CSMD1: variants seen among roughly 807,000 people sequenced by gnomAD.
CSMD1 encodes CUB and Sushi multiple domains 1, also known as CUB and sushi domain-containing protein 1.
A neutral mutation model predicts 417.5 loss-of-function variants in CSMD1; 213 were observed. That is an observed-to-expected ratio of 0.51 (90% CI 0.46 to 0.57). CSMD1 has a LOEUF of 0.57. Ranked by LOEUF, CSMD1 falls within the 20% of genes least tolerant of loss-of-function variation. The probability of loss-of-function intolerance (pLI) is 0.00; values close to 1 mark genes in which losing one functional copy is unlikely to be tolerated. For synonymous variants in CSMD1, 2,862 were observed against 1,736.8 expected (o/e 1.65, Z -16.11); for missense variants, 6,923 against 4,529.7 (o/e 1.53, Z -15.17).
At chr8:3,080,523 T>C (rs188538365) in intron 49 of CSMD1, among the ~76,000 whole-genome samples, 409 of 152,248 alleles carry the variant, frequency 2.7e-3, no homozygotes, top group South Asian at 0.012. Flanking sequence ...TCACAGACAA[T>C]TGGTAGCGAA....
intron 1 of CSMD1, among the ~76,000 whole-genome samples, chr8:4,728,021 AT>A (rs1158748662): frequency 2.7e-5 from 4 of 145,716 alleles, no homozygotes; most frequent in African/African-American, 7.5e-5. Flanking sequence ...ATATATATAT[AT>A]TTTTTCTATT....
intron 40 of CSMD1, chr8:3,151,196 G>C (rs1318010284): frequency 4.0e-6 from 2 of 498,172 alleles, no homozygotes; most frequent in African/African-American, 1.9e-5. Flanking sequence ...GCCTTGAAAA[G>C]AGTTGCATGG....
chr8:4,437,329 T>A (rs1798205331), intron 2 of CSMD1, among the ~76,000 whole-genome samples: 1 of 151,618 alleles, frequency 6.6e-6, no homozygotes, highest in Non-Finnish European at 1.5e-5. Context: ...ATAAGCTTGT[T>A]TTAAAAAGAA....
intron 3 of CSMD1, among the ~76,000 whole-genome samples, chr8:4,183,159 G>T (rs57926910): frequency 0.024 from 3,639 of 152,130 alleles, 155 homozygotes; most frequent in African/African-American, 0.083. Context: ...TAATTAATGC[G>T]TAAGTGCAGT....
chr8:4,293,480 T>C (rs1245955166), intron 3 of CSMD1, among the ~76,000 whole-genome samples: 1 of 152,232 alleles, frequency 6.6e-6, no homozygotes, highest in Non-Finnish European at 1.5e-5. Context: ...TTTATATATC[T>C]AGCTCAGTAT....
chr8:3,978,026 C>A (rs1198755235), intron 5 of CSMD1, among the ~76,000 whole-genome samples: 1 of 152,164 alleles, frequency 6.6e-6, no homozygotes, highest in Non-Finnish European at 1.5e-5. Flanking sequence ...TGGACACTTG[C>A]TTGTCCATCT....
chr8:3,813,880 G>C (rs763897079), intron 5 of CSMD1, among the ~76,000 whole-genome samples: 1 of 152,158 alleles, frequency 6.6e-6, no homozygotes, highest in African/African-American at 2.4e-5. Flanking sequence ...AGAAGAGAAA[G>C]TGATCGCTTT....
chr8:3,722,143 G>C (rs1260072694), intron 6 of CSMD1, among the ~76,000 whole-genome samples: 1 of 152,044 alleles, frequency 6.6e-6, no homozygotes, highest in African/African-American at 2.4e-5. Context: ...AGGAATTTGA[G>C]ACTAAGAATG....
intron 2 of CSMD1, among the ~76,000 whole-genome samples, chr8:4,567,797 GA>G (rs985426705): frequency 1.3e-5 from 2 of 150,506 alleles, no homozygotes; most frequent in Non-Finnish European, 3.0e-5. Context: ...TACCAGAAAG[GA>G]AAAAAAAAGT....
chr8:4,820,296 CAGTT>C (rs1469068551), intron 1 of CSMD1, among the ~76,000 whole-genome samples: 2 of 152,186 alleles, frequency 1.3e-5, no homozygotes, highest in African/African-American at 4.8e-5. Flanking sequence ...GGGCTGGGCA[CAGTT>C]AGTGCGCCAT....
At chr8:4,308,962 A>G (rs1225561721) in intron 3 of CSMD1, among the ~76,000 whole-genome samples, 3 of 152,182 alleles carry the variant, frequency 2.0e-5, no homozygotes, top group Non-Finnish European at 4.4e-5. Context: ...ACTCCCTGTA[A>G]CCTTCTGACA....
At chr8:3,884,207 G>A (rs1417345179) in intron 5 of CSMD1, among the ~76,000 whole-genome samples, 1 of 152,178 alleles carries the variant, frequency 6.6e-6, no homozygotes, top group Non-Finnish European at 1.5e-5. Flanking sequence ...AGGTAAGTTT[G>A]TTTAATAAGC....
chr8:4,753,658 C>T (rs981994538), intron 1 of CSMD1, among the ~76,000 whole-genome samples: 2 of 152,130 alleles, frequency 1.3e-5, no homozygotes, highest in Non-Finnish European at 2.9e-5. Context: ...TTTGATGCTG[C>T]CTTCTTCTCA....
At chr8:3,146,237 C>G (rs191132726) in intron 40 of CSMD1, among the ~76,000 whole-genome samples, 55 of 152,216 alleles carry the variant, frequency 3.6e-4, no homozygotes, top group African/African-American at 1.3e-3. Context: ...TTTCTGTTAA[C>G]TGTGCCCTTA....
intron 1 of CSMD1, among the ~76,000 whole-genome samples, chr8:4,779,357 T>C (rs1585085398): frequency 1.3e-5 from 2 of 152,180 alleles, no homozygotes; most frequent in African/African-American, 2.4e-5. Context: ...GCTCAAAGGA[T>C]AATTTTTTAC....
chr8:4,976,621 G>C (rs534237908), intron 1 of CSMD1, among the ~76,000 whole-genome samples: 39 of 152,240 alleles, frequency 2.6e-4, no homozygotes, highest in Admixed American at 5.9e-4. Context: ...CAAGCACATT[G>C]TGTGCTAAAC....
intron 23 of CSMD1, among the ~76,000 whole-genome samples, chr8:3,312,868 C>T (rs1009886950): frequency 1.3e-5 from 2 of 152,270 alleles, no homozygotes; most frequent in African/African-American, 4.8e-5. Context: ...TATCCACATT[C>T]GTTAGGATAC....
intron 34 of CSMD1, 133 bp downstream of exon 34, chr8:3,189,779 C>T (rs1563126739): frequency 1.4e-6 from 1 of 717,806 alleles, no homozygotes; most frequent in East Asian, 2.7e-5. Flanking sequence ...TCAATTACTT[C>T]CCATGAAACA....
At chr8:4,174,500 T>A (rs543305329) in intron 3 of CSMD1, among the ~76,000 whole-genome samples, 1 of 151,500 alleles carries the variant, frequency 6.6e-6, no homozygotes, top group South Asian at 2.1e-4. Flanking sequence ...TGAGAAACTA[T>A]GGGTATATAT....
Sources: allele counts gnomAD v4.1 joint callset (sites outside exome capture counted in the v4.1 genomes callset), GRCh38; gene constraint gnomAD v4.1.1; transcripts MANE v1.5; gene names NCBI Gene and HGNC (gene_info 2026-07-23, HGNC 2026-07-21).